DNAH10: variants seen among roughly 807,000 people sequenced by gnomAD.
DNAH10 encodes the protein dynein axonemal heavy chain 10.
In DNAH10, 348 loss-of-function variants were observed where a neutral mutation model predicts 506.6. The ratio of observed to expected loss-of-function variants is 0.69; its 90% CI spans 0.63 to 0.75. The LOEUF is 0.75. DNAH10 is among the 30% of genes least tolerant of loss of function. DNAH10 has a pLI of 0.00. For synonymous variants in DNAH10, 2,059 were observed against 2,198.6 expected, an observed-to-expected ratio of 0.94 and a Z score of 1.78; for missense variants, 5,179 against 5,787.1, an observed-to-expected ratio of 0.89 and a Z score of 3.41.
rs376958586 is a variant in DNAH10 at position 123,914,956 on chromosome 12, C to A, written c.10679C>A (p.Ala3560Asp). The A allele has an allele frequency of 1.2e-6, 2 of 1,611,638 alleles. No homozygotes were observed. The highest frequency in any genetic ancestry group is 2.2e-5 in the South Asian group (2 of 90,538). The stretch of plus-strand genomic sequence containing the variant: ...CTGTGTATCGACCCCCAGCAGCAGG[C>A]CCTCAACTGGATCAAGAGAAAAGAG... ...FPLCIDPQQQ[A>D]LNWIKRKEEK... The change falls in exon 62 of 79, where the codon GCC becomes GAC. Residue 3560 changes from alanine (A) to aspartate (D), a missense_variant. Coordinates refer to ENST00000673944, the MANE Select transcript of DNAH10 (RefSeq NM_001372106.1).
In DNAH10 at chr12:123,928,598, A is replaced by G. The variant is rs113088226; in HGVS notation, c.12306+11A>G. ...CAGAAGTCCCTAAAGGTCTGGCTTC[A>G]GGATGGACATCAACATGCCAGCACG... On this transcript the variant is annotated intron_variant, in intron 70 of 78. Coordinates refer to ENST00000673944, the MANE Select transcript of DNAH10 (RefSeq NM_001372106.1). This position sits in a 1 kb window ranked among gnomAD's most constrained non-coding sequence, Gnocchi z 4.9. 3.0e-3 allele frequency: 4,692 copies of G among 1,586,814 alleles called. 68 individuals carry two copies. The African/African-American group carries it at 0.044, about 15-fold the overall frequency.
In DNAH10 at chr12:123,925,406, C is replaced by G; in HGVS notation, c.11921+202C>G. 3 of 609,116 alleles carry G rather than the reference C, an allele frequency of 4.9e-6. No homozygotes were observed. Among genetic ancestry groups the G allele is most frequent in the Non-Finnish European group, 7.6e-6 (3 of 393,204 alleles). 37.7% of individuals were successfully genotyped at this position (609,116 alleles called of 1,614,324 possible). ...TAGTCATAAGAAATTCAGTGTGAGC[C>G]ACATATGCAGTTTCGAAAGTTCTAG... On this transcript the variant is annotated intron_variant, in intron 68 of 78. Transcript: ENST00000673944. This position sits in a 1 kb window ranked among gnomAD's most constrained non-coding sequence, Gnocchi z 4.0.
intron 34 of DNAH10, among the ~76,000 whole-genome samples, chr12:123,849,846 T>C (rs1363934783): frequency 6.6e-6 from 1 of 152,204 alleles, no homozygotes; most frequent in Non-Finnish European, 1.5e-5. Flanking sequence ...TGGAGACTGT[T>C]CAATATTTTC....
intron 39 of DNAH10, among the ~76,000 whole-genome samples, chr12:123,864,369 A>C (rs899599448): frequency 6.6e-6 from 1 of 151,114 alleles, no homozygotes; most frequent in Non-Finnish European, 1.5e-5. Flanking sequence ...CTGGTCTCGA[A>C]CTCCTGACCT....
rs1951101710 is a variant in DNAH10 at position 123,850,166 on chromosome 12, A to G, written c.6103-722A>G. ...GGCTGCCCTCTCGTTGGTGATGCAG[A>G]CTGTGCCTCCTAACAACAAAAATTT... On this transcript the variant is annotated intron_variant, in intron 34 of 78. Coordinates refer to ENST00000673944, the MANE Select transcript of DNAH10 (RefSeq NM_001372106.1). The surrounding 1 kb of genome is among the most constrained non-coding windows in gnomAD (Gnocchi z 5.5). Among the ~76,000 whole-genome samples the G allele has an allele frequency of 1.7e-5, 2 of 117,180 alleles. No homozygotes were observed. Among genetic ancestry groups the G allele is most frequent in the South Asian group, 5.0e-4 (2 of 4,016 alleles). 76.9% of individuals were successfully genotyped at this position (117,180 alleles called of 152,430 possible).
In DNAH10 at chr12:123,785,070, A is replaced by G. The variant is rs1054791740; in HGVS notation, c.1231-676A>G. Among the ~76,000 whole-genome samples, 5 of 152,268 alleles carry G rather than the reference A, an allele frequency of 3.3e-5. No individual in the cohort carries two copies. Among genetic ancestry groups the G allele is most frequent in the South Asian group, 2.1e-4 (1 of 4,826 alleles). On this transcript the variant is annotated intron_variant, in intron 8 of 78. Transcript: ENST00000673944. The surrounding 1 kb of genome is among the most constrained non-coding windows in gnomAD (Gnocchi z 4.1). Reference sequence around the variant, plus strand: ...CATTCTTGTACAAGGATTTGTGTGGATGTGTGTTTTTAATTATTCATGTAT... The same window carrying G: ...CATTCTTGTACAAGGATTTGTGTGGGTGTGTGTTTTTAATTATTCATGTAT...
intron 21 of DNAH10, 26 bp downstream of exon 21, chr12:123,813,938 C>T: frequency 6.4e-7 from 1 of 1,555,772 alleles, no homozygotes; most frequent in South Asian, 1.2e-5. Flanking sequence ...TTTTCTTATT[C>T]ATTTAACAAT....
chr12:123,900,216 T>G (rs143031303), intron 56 of DNAH10, among the ~76,000 whole-genome samples: 412 of 152,366 alleles, frequency 2.7e-3, no homozygotes, highest in African/African-American at 9.5e-3. Context: ...CTTTGATCTG[T>G]CTTTTAAAAA....
Position 123,841,525 on chromosome 12 carries a change from A to G in DNAH10, c.5340A>G (p.Arg1780=), listed in dbSNP as rs1950775112. The change falls in exon 30 of 79, where the codon AGA becomes AGG. Residue 1780 remains arginine, a synonymous_variant. Transcript: ENST00000673944. ...NRLITKEAIF[R]YCEDRSRVDW... ...TAATTACCAAAGAGGCTATTTTTAG[A>G]TACTGTGAAGACAGAAGCAGGTAAG... 1.2e-6 allele frequency: 2 copies of G among 1,613,964 alleles called. No individual in the cohort carries two copies. The highest frequency in any genetic ancestry group is 8.5e-7 in the Non-Finnish European group (1 of 1,179,888).
chr12:123,769,429 G>A (rs1253241116), intron 2 of DNAH10, among the ~76,000 whole-genome samples: 1 of 151,732 alleles, frequency 6.6e-6, no homozygotes, highest in Non-Finnish European at 1.5e-5. Flanking sequence ...CACCCACCTC[G>A]GCCTCCCAAA....
chr12:123,901,460 G>A (rs781190260), intron 56 of DNAH10, among the ~76,000 whole-genome samples: 9 of 152,274 alleles, frequency 5.9e-5, no homozygotes, highest in Non-Finnish European at 1.0e-4. Context: ...GCCCGTGCAC[G>A]GCTTTGCACG....
chr12:123,872,314 G>C (rs866518294), intron 45 of DNAH10, among the ~76,000 whole-genome samples: 25 of 152,222 alleles, frequency 1.6e-4, no homozygotes, highest in Non-Finnish European at 3.7e-4. Flanking sequence ...TGCAGGCAGT[G>C]GGGGGATAAA....
intron 5 of DNAH10, among the ~76,000 whole-genome samples, chr12:123,775,934 A>G (rs557379173): frequency 6.6e-6 from 1 of 152,240 alleles, no homozygotes; most frequent in South Asian, 2.1e-4. Context: ...ATCATGGTGG[A>G]AGGGGAAGCA....
chr12:123,879,502 G>C, intron 49 of DNAH10, 132 bp from the exon 50 acceptor site: 2 of 1,465,266 alleles, frequency 1.4e-6, no homozygotes, highest in Non-Finnish European at 9.2e-7. Flanking sequence ...GGGTTATTAA[G>C]CGTCTTGCAG....
intron 21 of DNAH10, among the ~76,000 whole-genome samples, chr12:123,817,019 A>G (rs902220496): frequency 2.7e-5 from 4 of 150,170 alleles, no homozygotes; most frequent in Admixed American, 2.0e-4. Flanking sequence ...TTATTCCATC[A>G]TCTTCTGGCC....
intron 65 of DNAH10, 37 bp downstream of exon 65, chr12:123,918,986 G>A (rs376950522): frequency 2.0e-6 from 3 of 1,525,744 alleles, no homozygotes; most frequent in Non-Finnish European, 2.7e-6. Context: ...TGTTAGTGTA[G>A]TTTGGTGTGC....
chr12:123,793,580 T>C (rs1160302245), intron 11 of DNAH10, among the ~76,000 whole-genome samples: 2 of 152,306 alleles, frequency 1.3e-5, no homozygotes, highest in East Asian at 1.9e-4. Flanking sequence ...CCTCGTGATC[T>C]GCCCGTCTCG....
At chr12:123,786,523 C>A (rs558389334) in intron 9 of DNAH10, among the ~76,000 whole-genome samples, 1 of 151,914 alleles carries the variant, frequency 6.6e-6, no homozygotes, top group Admixed American at 6.6e-5. Context: ...TGGAATCAGA[C>A]ACTATGTGAC....
chr12:123,842,274 G>A (rs1201402897), intron 30 of DNAH10, among the ~76,000 whole-genome samples: 1 of 152,234 alleles, frequency 6.6e-6, no homozygotes, highest in Non-Finnish European at 1.5e-5. Context: ...TTATGTGTAT[G>A]TAACGTTGTT....
Sources: gnomAD v4.1 joint callset for allele counts (sites outside exome capture counted in the v4.1 genomes callset) on GRCh38, gnomAD v4.1.1 for gene constraint, Gnocchi (gnomAD v3.1) non-coding constraint, MANE v1.5 for transcripts, NCBI Gene and HGNC (gene_info 2026-07-23, HGNC 2026-07-21) for gene names.